Variants in SATB1 observed in about 807,000 individuals in gnomAD.
SATB1 encodes SATB homeobox 1.
In SATB1, 11 loss-of-function variants were observed where a neutral mutation model predicts 86.9. The ratio of observed to expected loss-of-function variants is 0.13; its 90% CI spans 0.08 to 0.21. The LOEUF (loss-of-function observed/expected upper bound fraction) is 0.21, where lower values mean the gene tolerates loss of function less well. Ranked by LOEUF, SATB1 falls within the 10% of genes least tolerant of loss-of-function variation. The pLI is 1.00. For synonymous variants in SATB1, 357 were observed against 357.2 expected (o/e 1.00, Z 0.01); for missense variants, 551 against 937.6 (o/e 0.59, Z 5.39).
In SATB1 at chr3:18,349,910, CACTT is replaced by C. The variant is rs1204848785; in HGVS notation, c.1780-232_1780-229del. ...TTAAGACAGCTTTGGGGGGCTACTG[CACTT>C]ACTTATCAGAGATCAGCAGAGGAAG... On this transcript the variant is annotated intron_variant, in intron 10 of 10. Coordinates refer to ENST00000338745, the MANE Select transcript of SATB1 (RefSeq NM_002971.6). The surrounding 1 kb of genome is among the most constrained non-coding windows in gnomAD (Gnocchi z 5.5). 2.1e-5 allele frequency: 14 copies of C among 661,882 alleles called. No homozygotes were observed. Among genetic ancestry groups the C allele is most frequent in the African/African-American group, 2.0e-4 (11 of 54,958 alleles). The allele number at this position is 661,882 out of a possible 1,614,324, so 41.0% of individuals were successfully genotyped here.
rs1694102219 is a variant in SATB1, at chr3:18,347,264, G to A, written c.*1906C>T. On this transcript the variant is annotated 3_prime_UTR_variant, in exon 11 of 11. Transcript: ENST00000338745. The stretch of plus-strand genomic sequence containing the variant: ...CTAGCATCTAGGAAACAAAGTGAGG[G>A]AGCAAATAAAAGAAAAATCACCCCA... The A allele has an allele frequency of 6.6e-6, 1 of 152,028 alleles. No individual in the cohort carries two copies. 9.4% of individuals were successfully genotyped at this position (152,028 alleles called of 1,614,324 possible).
In SATB1 at chr3:18,420,975, C is replaced by T. The variant is rs973354377; in HGVS notation, c.-8G>A. On this transcript the variant is annotated 5_prime_UTR_variant, in exon 2 of 11. Coordinates refer to ENST00000338745, the MANE Select transcript of SATB1 (RefSeq NM_002971.6). The stretch of plus-strand genomic sequence containing the variant: ...CTCGTTCAAATGATCCATACTCAGT[C>T]ACTGTCTAAAGATCACCTGCCAGAA... 6.2e-7 allele frequency: 1 copy of T among 1,613,580 alleles called. No homozygotes were observed. Among genetic ancestry groups the T allele is most frequent in the Non-Finnish European group, 8.5e-7 (1 of 1,179,658 alleles).
intron 5 of SATB1, among the ~76,000 whole-genome samples, chr3:18,398,139 G>A (rs1318404021): frequency 3.3e-5 from 5 of 151,954 alleles, no homozygotes; most frequent in Admixed American, 1.3e-4. Context: ...ATAAATGCCC[G>A]GAAAACTGTC....
chr3:18,406,616 G>A (rs1159873223), intron 5 of SATB1, among the ~76,000 whole-genome samples: 1 of 151,986 alleles, frequency 6.6e-6, no homozygotes, highest in Non-Finnish European at 1.5e-5. Flanking sequence ...TAAGCATTCA[G>A]ACCTCTGAGT....
chr3:18,377,723 A>G (rs1695834990), intron 9 of SATB1, among the ~76,000 whole-genome samples: 1 of 152,190 alleles, frequency 6.6e-6, no homozygotes, highest in African/African-American at 2.4e-5. Flanking sequence ...AGAGGCAACT[A>G]TGCTCACTGC....
At chr3:18,421,143 T>C (rs1407393819) in intron 1 of SATB1, 152 bp from the exon 2 acceptor site, 1 of 592,368 alleles carries the variant, frequency 1.7e-6, no homozygotes, top group East Asian at 2.8e-5. Flanking sequence ...GATGTTACTA[T>C]ATTTCTAGAT....
At position 18,443,923 on chromosome 3, in the gene SATB1, G is replaced by A. The variant is rs1699308584; in HGVS notation, c.-25+1595C>T. ...GACCGGCCTCGCTACAGCCAGCGAGGGCTCGAAATGAGGAGTGCCGCGGCT... is the reference window on the plus strand; with the variant it reads ...GACCGGCCTCGCTACAGCCAGCGAGAGCTCGAAATGAGGAGTGCCGCGGCT... On this transcript the variant is annotated intron_variant, in intron 1 of 3. Transcript: ENST00000415069. This position sits in a 1 kb window ranked among gnomAD's most constrained non-coding sequence, Gnocchi z 4.4. Among the ~76,000 whole-genome samples the A allele has an allele frequency of 6.6e-6, 1 of 152,164 alleles. No individual in the cohort carries two copies. Among genetic ancestry groups the A allele is most frequent in the Non-Finnish European group, 1.5e-5 (1 of 68,028 alleles).
At position 18,352,440 on chromosome 3, in the gene SATB1, T is replaced by G. The variant is rs547662922; in HGVS notation, c.1576-245A>C. On this transcript the variant is annotated intron_variant, in intron 9 of 10. Coordinates refer to ENST00000338745, the MANE Select transcript of SATB1 (RefSeq NM_002971.6). This position sits in a 1 kb window ranked among gnomAD's most constrained non-coding sequence, Gnocchi z 4.1. The stretch of plus-strand genomic sequence containing the variant: ...AGGAGGGACATATTTTTTCAGACTC[T>G]GAGGGTAACAGAGCATTTATCACAG... 2.1e-6 allele frequency: 1 copy of G among 480,366 alleles called. No homozygotes were observed. Among genetic ancestry groups the G allele is most frequent in the African/African-American group, 1.9e-5 (1 of 51,628 alleles). The allele number at this position is 480,366 out of a possible 1,614,324, so 29.8% of individuals were successfully genotyped here.
At position 18,401,418 on chromosome 3, in the gene SATB1, A is replaced by T. The variant is rs115756814; in HGVS notation, c.640-4128T>A. Among the ~76,000 whole-genome samples the T allele has an allele frequency of 3.2e-3, 493 of 152,106 alleles. 4 individuals are homozygous for T. Among genetic ancestry groups the T allele is most frequent in the African/African-American group, 0.011 (473 of 41,498 alleles). On this transcript the variant is annotated intron_variant, in intron 5 of 10. Coordinates refer to ENST00000338745, the MANE Select transcript of SATB1 (RefSeq NM_002971.6). ...TCCCTTCCCAGGTTTTTCAAAATAC[A>T]TCCACACAGATGTCTCGGAAGTTGC...
rs773710485 is a variant in SATB1 at position 18,420,779 on chromosome 3, C to T, written c.189G>A (p.Leu63=). 1.9e-6 allele frequency: 3 copies of T among 1,613,768 alleles called. No homozygotes were observed. Among genetic ancestry groups the T allele is most frequent in the African/African-American group, 2.7e-5 (2 of 74,902 alleles). The change falls in exon 2 of 11, where the codon CTG becomes CTA. Residue 63 remains leucine (L), a synonymous_variant. Coordinates refer to ENST00000338745, the MANE Select transcript of SATB1 (RefSeq NM_002971.6). The part of the protein sequence containing the change: ...QGVPLKHSGH[L]MKTNLRKGTM... The stretch of plus-strand genomic sequence containing the variant: ...TACCTTTCCTAAGGTTGGTTTTCAT[C>T]AGATGGCCCGAGTGTTTTAAAGGCA...
upstream of SATB1, among the ~76,000 whole-genome samples, chr3:18,429,824 C>A (rs1167473969): frequency 6.6e-6 from 1 of 152,212 alleles, no homozygotes; most frequent in Non-Finnish European, 1.5e-5. This position sits in a 1 kb window ranked among gnomAD's most constrained non-coding sequence, Gnocchi z 4.1. Flanking sequence ...GTCTCCCTTA[C>A]TAGACTGTAA....
At chr3:18,400,587 A>G (rs1264850436) in intron 5 of SATB1, among the ~76,000 whole-genome samples, 1 of 152,196 alleles carries the variant, frequency 6.6e-6, no homozygotes, top group East Asian at 1.9e-4. Context: ...CTAGGAAAAT[A>G]ATGACTTGAA....
intron 9 of SATB1, among the ~76,000 whole-genome samples, chr3:18,366,079 C>A (rs1470544123): frequency 2.0e-5 from 3 of 152,264 alleles, no homozygotes; most frequent in Admixed American, 6.5e-5. Context: ...CAACCAAATA[C>A]TTCATCAGTA....
chr3:18,427,315 C>T (rs1345501601), upstream of SATB1, among the ~76,000 whole-genome samples: 1 of 152,162 alleles, frequency 6.6e-6, no homozygotes, highest in African/African-American at 2.4e-5. Context: ...TCAGTAGGGA[C>T]TGTGCACTCT....
At chr3:18,430,083 C>A (rs1698839479), upstream of SATB1, among the ~76,000 whole-genome samples, 1 of 152,054 alleles carries the variant, frequency 6.6e-6, no homozygotes, top group African/African-American at 2.4e-5. Flanking sequence ...TGATTTAATT[C>A]CTCATTCACA....
At chr3:18,358,850 G>A (rs7622439) in intron 9 of SATB1, among the ~76,000 whole-genome samples, 151,783 of 152,058 alleles carry the variant, frequency 1, 75,754 homozygotes, top group East Asian at 1. Flanking sequence ...AAGAGACTCA[G>A]TATCTTAGCC....
intron 5 of SATB1, chr3:18,408,638 G>A (rs1697672534): frequency 6.6e-6 from 1 of 151,550 alleles, no homozygotes; most frequent in Non-Finnish European, 1.5e-5. Flanking sequence ...AATGAAAGAG[G>A]GGGAAATTGA....
At chr3:18,397,701 G>A (rs1055739734) in intron 5 of SATB1, among the ~76,000 whole-genome samples, 2 of 152,172 alleles carry the variant, frequency 1.3e-5, no homozygotes, top group Non-Finnish European at 1.5e-5. Flanking sequence ...TCAAAGTATA[G>A]ACCAGGGACC....
intron 6 of SATB1, among the ~76,000 whole-genome samples, chr3:18,396,051 G>A (rs1696950227): frequency 6.6e-6 from 1 of 152,098 alleles, no homozygotes; most frequent in Non-Finnish European, 1.5e-5. Flanking sequence ...CCTGATATAC[G>A]CAAAATATAA....
Sources: gnomAD v4.1 joint callset for allele counts (sites outside exome capture counted in the v4.1 genomes callset) on GRCh38, gnomAD v4.1.1 for gene constraint, Gnocchi (gnomAD v3.1) non-coding constraint, MANE v1.5 for transcripts, NCBI Gene and HGNC (gene_info 2026-07-23, HGNC 2026-07-21) for gene names.